Variants in PTPRG observed in about 807,000 individuals in gnomAD.
PTPRG encodes the protein receptor-type tyrosine-protein phosphatase gamma.
In PTPRG, 102 loss-of-function variants were observed where a neutral mutation model predicts 165.3. The ratio of observed to expected loss-of-function variants is 0.62; its 90% CI spans 0.53 to 0.73. The LOEUF (loss-of-function observed/expected upper bound fraction) is 0.73, where lower values mean the gene tolerates loss of function less well. Among genes scored for constraint, PTPRG ranks in the 30% least tolerant of loss-of-function variants. The pLI, the probability that PTPRG is intolerant of heterozygous loss-of-function variation, is 0.00. For synonymous variants in PTPRG, 675 were observed against 669.5 expected, an observed-to-expected ratio of 1.01 and a Z score of -0.13; for missense variants, 1,866 against 1,861.4, an observed-to-expected ratio of 1.00 and a Z score of -0.05.
At chr3:61,968,880 G>A (rs1407827345) in intron 2 of PTPRG, among the ~76,000 whole-genome samples, 1 of 152,140 alleles carries the variant, frequency 6.6e-6, no homozygotes, top group East Asian at 1.9e-4. Context: ...CATTTGTAGG[G>A]TAATGATTCT....
At chr3:61,922,767 A>T (rs1039828426) in intron 2 of PTPRG, among the ~76,000 whole-genome samples, 7 of 152,096 alleles carry the variant, frequency 4.6e-5, no homozygotes, top group African/African-American at 1.7e-4. Context: ...CAGCCTCCTG[A>T]ATAGCTGGGA....
intron 13 of PTPRG, among the ~76,000 whole-genome samples, chr3:62,221,514 G>T (rs1244115994): frequency 1.3e-5 from 2 of 152,148 alleles, no homozygotes; most frequent in African/African-American, 4.8e-5. Context: ...AAGCATTGGG[G>T]AGCTCACATA....
rs750496201 is a variant in PTPRG at position 62,195,019 on chromosome 3, G to A, written c.1219-43G>A. On this transcript the variant is annotated intron_variant, in intron 9 of 29. Coordinates refer to ENST00000474889, the MANE Select transcript of PTPRG (RefSeq NM_002841.4). This position sits in a 1 kb window ranked among gnomAD's most constrained non-coding sequence, Gnocchi z 4.4. Reference sequence around the variant, plus strand: ...GCTTTAGAATGCAAAGTGTGCCTTGGCCTTCAAAACTAACTCACTGCTTTT... The same window carrying A: ...GCTTTAGAATGCAAAGTGTGCCTTGACCTTCAAAACTAACTCACTGCTTTT... The A allele has an allele frequency of 2.5e-6, 4 of 1,582,124 alleles. No homozygotes were observed. The highest frequency in any genetic ancestry group is 3.5e-6 in the Non-Finnish European group (4 of 1,151,110).
chr3:61,986,419 C>T (rs963122477), intron 2 of PTPRG, among the ~76,000 whole-genome samples: 1 of 152,096 alleles, frequency 6.6e-6, no homozygotes, highest in Non-Finnish European at 1.5e-5. Flanking sequence ...GTATCTCTCA[C>T]GAAGGGACGT....
intron 1 of PTPRG, among the ~76,000 whole-genome samples, chr3:61,739,935 A>G (rs1423776601): frequency 1.3e-5 from 2 of 152,234 alleles, no homozygotes; most frequent in African/African-American, 4.8e-5. Context: ...AAAAAAATGA[A>G]AATACAGATA....
At chr3:61,796,885 A>G (rs2035062026) in intron 2 of PTPRG, among the ~76,000 whole-genome samples, 1 of 152,188 alleles carries the variant, frequency 6.6e-6, no homozygotes, top group Non-Finnish European at 1.5e-5. Flanking sequence ...TAACCACTCC[A>G]AAATTTTTAG....
At chr3:61,702,673 T>A (rs1248024651) in intron 1 of PTPRG, among the ~76,000 whole-genome samples, 1 of 152,178 alleles carries the variant, frequency 6.6e-6, no homozygotes, top group Non-Finnish European at 1.5e-5. Context: ...ACATCTGTCA[T>A]TTTTCCCAAC....
At chr3:62,014,299 T>C (rs1297763181) in intron 4 of PTPRG, among the ~76,000 whole-genome samples, 3 of 152,184 alleles carry the variant, frequency 2.0e-5, no homozygotes, top group African/African-American at 7.2e-5. Context: ...TGGCGCTGTA[T>C]TGAGCACGGA....
At chr3:62,023,732 C>T (rs1372348080) in intron 4 of PTPRG, among the ~76,000 whole-genome samples, 4 of 152,138 alleles carry the variant, frequency 2.6e-5, no homozygotes, top group Non-Finnish European at 5.9e-5. Context: ...AAAACCAAGT[C>T]TTAAATGCGA....
At chr3:62,022,829 AACT>A (rs1158580693) in intron 4 of PTPRG, among the ~76,000 whole-genome samples, 1 of 152,200 alleles carries the variant, frequency 6.6e-6, no homozygotes, top group Non-Finnish European at 1.5e-5. Flanking sequence ...TTTTCTGTAG[AACT>A]ACTATTTCTA....
At chr3:62,053,541 A>G (rs1247826986) in intron 4 of PTPRG, among the ~76,000 whole-genome samples, 3 of 152,150 alleles carry the variant, frequency 2.0e-5, no homozygotes, top group Non-Finnish European at 4.4e-5. Flanking sequence ...TTGTGGGATT[A>G]CAGGCATGAG....
chr3:62,245,177 G>A lies in PTPRG; in HGVS notation c.2467+1279G>A, dbSNP rs1701262395. ...GCTAAACTAATTCTCATAAAGATAG[G>A]ATAAGTTTTGTGTTACTGTGTGTTC... is the stretch of plus-strand genomic sequence containing the variant. On this transcript the variant is annotated intron_variant, in intron 15 of 29. Coordinates refer to ENST00000474889, the MANE Select transcript of PTPRG (RefSeq NM_002841.4). This position sits in a 1 kb window ranked among gnomAD's most constrained non-coding sequence, Gnocchi z 4.2. 1.3e-5 allele frequency among the ~76,000 whole-genome samples: 2 copies of A among 152,160 alleles called. No homozygotes were observed. Among genetic ancestry groups the A allele is most frequent in the South Asian group, 4.1e-4 (2 of 4,834 alleles).
At chr3:62,086,578 T>C (rs1411952676) in intron 5 of PTPRG, among the ~76,000 whole-genome samples, 3 of 152,212 alleles carry the variant, frequency 2.0e-5, no homozygotes, top group Admixed American at 1.3e-4. Context: ...ATATCGTCCT[T>C]CTGGCATTTT....
At chr3:62,027,874 G>A (rs1401759278) in intron 4 of PTPRG, among the ~76,000 whole-genome samples, 2 of 152,290 alleles carry the variant, frequency 1.3e-5, no homozygotes, top group East Asian at 1.9e-4. Flanking sequence ...TTGTGTTTCA[G>A]TAAGTAATTT....
chr3:62,091,038 A>G (rs1446586976), intron 5 of PTPRG, among the ~76,000 whole-genome samples: 2 of 152,248 alleles, frequency 1.3e-5, no homozygotes, highest in Non-Finnish European at 2.9e-5. Flanking sequence ...AAACATTTTG[A>G]TGATAAAAAT....
At chr3:62,134,933 C>A (rs1342858995) in intron 6 of PTPRG, among the ~76,000 whole-genome samples, 2 of 152,146 alleles carry the variant, frequency 1.3e-5, no homozygotes, top group Non-Finnish European at 2.9e-5. Context: ...GTATGTCGTT[C>A]TTCCAAAAGG....
rs569228165 is a variant in PTPRG at position 61,747,202 on chromosome 3, G to C, written c.86-1676G>C. On this transcript the variant is annotated intron_variant, in intron 1 of 29. Coordinates refer to ENST00000474889, the MANE Select transcript of PTPRG (RefSeq NM_002841.4). ...GCTCACCATAACTTGCGTTATCTTTGTAACAGTCTTAGAAGGCTGGCATTT... is the reference window on the plus strand; with the variant it reads ...GCTCACCATAACTTGCGTTATCTTTCTAACAGTCTTAGAAGGCTGGCATTT... Among the ~76,000 whole-genome samples, 6 of 152,292 alleles carry C rather than the reference G, an allele frequency of 3.9e-5. No individual in the cohort carries two copies. In the South Asian group the frequency reaches 1.2e-3, roughly 32 times the overall value.
intron 2 of PTPRG, among the ~76,000 whole-genome samples, chr3:61,768,731 G>A (rs1349412139): frequency 6.6e-6 from 1 of 152,144 alleles, no homozygotes; most frequent in African/African-American, 2.4e-5. Context: ...TTAGACGTCC[G>A]ATTAGAAAGT....
chr3:62,174,646 G>T (rs1705345194), intron 8 of PTPRG, among the ~76,000 whole-genome samples: 1 of 152,118 alleles, frequency 6.6e-6, no homozygotes, highest in Non-Finnish European at 1.5e-5. Context: ...TCCATGACTG[G>T]TTTAAAAAAG....
Sources: allele counts gnomAD v4.1 joint callset (sites outside exome capture counted in the v4.1 genomes callset), GRCh38; gene constraint gnomAD v4.1.1; non-coding constraint Gnocchi (gnomAD v3.1); transcripts MANE v1.5; gene names NCBI Gene and HGNC (gene_info 2026-07-23, HGNC 2026-07-21).